Variants in ATP11B observed in about 807,000 individuals in gnomAD.
The protein encoded by ATP11B is phospholipid-transporting ATPase IF.
A neutral mutation model predicts 157.8 loss-of-function variants in ATP11B; 81 were observed. The observed-to-expected ratio is 0.51, with a 90% CI of 0.43 to 0.62. The LOEUF (loss-of-function observed/expected upper bound fraction) is 0.62. ATP11B is among the 20% of genes least tolerant of loss of function. The probability of loss-of-function intolerance (pLI) is 0.00; values close to 1 mark genes in which losing one functional copy is unlikely to be tolerated. For synonymous variants in ATP11B, 451 were observed against 469.4 expected, an observed-to-expected ratio of 0.96 and a Z score of 0.51; for missense variants, 1,165 against 1,402.2, an observed-to-expected ratio of 0.83 and a Z score of 2.70.
chr3:182,850,917 A>G (rs1453053503), intron 10 of ATP11B, among the ~76,000 whole-genome samples: 3 of 152,226 alleles, frequency 2.0e-5, no homozygotes, highest in African/African-American at 7.2e-5. Flanking sequence ...ATGGAATACT[A>G]TTTGGCCATA....
intron 28 of ATP11B, among the ~76,000 whole-genome samples, chr3:182,910,769 G>A (rs1350581059): frequency 6.6e-6 from 1 of 152,178 alleles, no homozygotes; most frequent in African/African-American, 2.4e-5. Flanking sequence ...TTAAACTAAA[G>A]TGTCAGACAA....
chr3:182,905,272 G>A (rs1216080999), intron 28 of ATP11B, among the ~76,000 whole-genome samples: 2 of 152,098 alleles, frequency 1.3e-5, no homozygotes, highest in African/African-American at 4.8e-5. Flanking sequence ...TACAGAAAAA[G>A]AACTGAAATT....
In ATP11B at chr3:182,874,003, A is replaced by G. The variant is rs111552122; in HGVS notation, c.2240A>G (p.Gln747Arg). Residue 747 changes from glutamine (Q) to arginine (R), a missense_variant, in exon 19 of 30, where the codon CAG becomes CGG. By Grantham distance (43) the Gln-to-Arg change is conservative (BLOSUM62 1). Transcript: ENST00000323116. The part of the protein sequence containing the change: ...SDSECAEQLR[Q>R]LARRITEDHV... ...AGCGAGTGTGCTGAACAATTGAGGC[A>G]GCTTGCCAGAAGGTAAGAATATAGG... is the stretch of plus-strand genomic sequence containing the variant. The G allele has an allele frequency of 5.6e-6, 9 of 1,613,788 alleles. No individual in the cohort carries two copies.
chr3:182,830,002 A>AGTATT (rs1718008115), intron 4 of ATP11B: 1 of 925,038 alleles, frequency 1.1e-6, no homozygotes, highest in African/African-American at 1.8e-5. Context: ...TCCAAAAACA[A>AGTATT]GTATTGTATA....
At position 182,867,524 on chromosome 3, in the gene ATP11B, A is replaced by C. The variant is rs183117031; in HGVS notation, c.1688+80A>C. On this transcript the variant is annotated intron_variant, in intron 15 of 29. Coordinates refer to ENST00000323116, the MANE Select transcript of ATP11B (RefSeq NM_014616.3). ...AATAAGGATCAGTAAACTGTAGCTC[A>C]CAGGGCAAATGTGGCCTATATTTTC... The C allele has an allele frequency of 4.4e-3, 3,905 of 891,018 alleles. 21 individuals are homozygous for C. The highest frequency in any genetic ancestry group is 0.011 in the South Asian group (682 of 64,244). The allele number at this position is 891,018 out of a possible 1,614,324, so 55.2% of individuals were successfully genotyped here.
Position 182,847,176 on chromosome 3 carries a change from A to G in ATP11B, c.770-1300A>G, listed in dbSNP as rs1313775674. Among the ~76,000 whole-genome samples the G allele has an allele frequency of 2.0e-5, 3 of 150,198 alleles. No homozygotes were observed. In the East Asian group the frequency reaches 5.9e-4, roughly 30 times the overall value. On this transcript the variant is annotated intron_variant, in intron 9 of 29. Coordinates refer to ENST00000323116, the MANE Select transcript of ATP11B (RefSeq NM_014616.3). ...AGCAATTCTCCTGCCTCAGCCTCCC[A>G]AATAGCTGAGATTACAGGCATGTGC...
At chr3:182,903,874 AATT>A (rs1230007738) in intron 28 of ATP11B, among the ~76,000 whole-genome samples, 2 of 152,240 alleles carry the variant, frequency 1.3e-5, no homozygotes, top group African/African-American at 2.4e-5. Flanking sequence ...TATTGTGACT[AATT>A]ATATTTTTAT....
intron 7 of ATP11B, among the ~76,000 whole-genome samples, chr3:182,838,157 A>G (rs896582912): frequency 6.6e-6 from 1 of 152,066 alleles, no homozygotes; most frequent in African/African-American, 2.4e-5. Context: ...TAAAAATTGT[A>G]TACTTTCATC....
Position 182,897,417 on chromosome 3 carries a change from A to T in ATP11B, c.3152+11A>T. Reference sequence around the variant, plus strand: ...TGGAGGGATTCTCTGGTGAGTGAATATATTGTATTTTAATTGGATTGCTTC... The same window carrying T: ...TGGAGGGATTCTCTGGTGAGTGAATTTATTGTATTTTAATTGGATTGCTTC... On this transcript the variant is annotated intron_variant, in intron 27 of 29. Transcript: ENST00000323116. 1 of 1,478,418 alleles carries T rather than the reference A, an allele frequency of 6.8e-7. No individual in the cohort carries two copies. The highest frequency in any genetic ancestry group is 1.2e-5 in the South Asian group (1 of 80,424). 91.6% of individuals were successfully genotyped at this position (1,478,418 alleles called of 1,614,324 possible).
chr3:182,829,107 G>A (rs936412771), intron 3 of ATP11B, among the ~76,000 whole-genome samples: 1 of 152,138 alleles, frequency 6.6e-6, no homozygotes, highest in African/African-American at 2.4e-5. Flanking sequence ...AGCAAGAAAT[G>A]TATGCTAACC....
At chr3:182,842,006 G>T in intron 7 of ATP11B, 69 bp from the exon 8 acceptor site, 10 of 929,646 alleles carry the variant, frequency 1.1e-5, no homozygotes, top group Admixed American at 2.4e-5. Context: ...AACAAAGGAT[G>T]GTGCAAAAAA....
intron 1 of ATP11B, among the ~76,000 whole-genome samples, chr3:182,815,016 C>T (rs961870909): frequency 6.6e-6 from 1 of 152,080 alleles, no homozygotes; most frequent in Non-Finnish European, 1.5e-5. Context: ...GATGAGTAGG[C>T]TTTTCCTGGA....
chr3:182,907,623 G>T (rs971901425), intron 28 of ATP11B, among the ~76,000 whole-genome samples: 1 of 152,170 alleles, frequency 6.6e-6, no homozygotes, highest in African/African-American at 2.4e-5. Flanking sequence ...ATAGAAAGAT[G>T]TTTAGGCTTT....
chr3:182,909,336 C>G (rs1020300224), intron 28 of ATP11B, among the ~76,000 whole-genome samples: 18 of 152,212 alleles, frequency 1.2e-4, no homozygotes, highest in Non-Finnish European at 2.2e-4. Context: ...GCCTTTCTAG[C>G]ACTAAATTAT....
Position 182,871,925 on chromosome 3 carries a change from C to T in ATP11B, c.1867-431C>T, listed in dbSNP as rs574046281. Among the ~76,000 whole-genome samples, 5 of 152,200 alleles carry T rather than the reference C, an allele frequency of 3.3e-5. No individual in the cohort carries two copies. The East Asian group carries it at 9.7e-4, about 29-fold the overall frequency. ...CCACCTCCCGGGTTCACGCCATTCT[C>T]CTGCCTCAGCTTCCTGAGTAGCTGG... is the stretch of plus-strand genomic sequence containing the variant. On this transcript the variant is annotated intron_variant, in intron 17 of 29. Coordinates refer to ENST00000323116, the MANE Select transcript of ATP11B (RefSeq NM_014616.3).
At position 182,793,774 on chromosome 3, in the gene ATP11B, C is replaced by T; in HGVS notation, c.15C>T (p.Ile5=). ...ACGACGGGGGAATGTGGCGCTGGATCCGGCAGCAGCTGGTAGGTGCCCCCG... is the reference window on the plus strand; with the variant it reads ...ACGACGGGGGAATGTGGCGCTGGATTCGGCAGCAGCTGGTAGGTGCCCCCG... MWRW[I]RQQLGFDPPH... is the part of the protein sequence containing the mutation. The change falls in exon 1 of 30, where the codon ATC becomes ATT. Residue 5 remains isoleucine, a synonymous_variant. Transcript: ENST00000323116. The T allele has an allele frequency of 1.4e-6, 2 of 1,403,858 alleles. No homozygotes were observed. The highest frequency in any genetic ancestry group is 1.9e-6 in the Non-Finnish European group (2 of 1,072,948). The allele number at this position is 1,403,858 out of a possible 1,614,324, so 87.0% of individuals were successfully genotyped here.
At chr3:182,845,376 A>G in intron 8 of ATP11B, 82 bp from the exon 9 acceptor site, 1 of 1,191,592 alleles carries the variant, frequency 8.4e-7, no homozygotes, top group East Asian at 2.7e-5. Flanking sequence ...TAGCTTAAGT[A>G]CCTTCTGCTG....
intron 27 of ATP11B, 37 bp from the exon 28 acceptor site, chr3:182,898,569 GT>G (rs1723725975): frequency 6.5e-7 from 1 of 1,545,830 alleles, no homozygotes; most frequent in South Asian, 1.3e-5. Context: ...AAGTCTTTCA[GT>G]TTCCACTTTT....
In ATP11B at chr3:182,820,271, A is replaced by C. The variant is rs1191041703; in HGVS notation, c.39A>C (p.Pro13=). ...TTGATTGGTCTTAGGGTTTTGACCC[A>C]CCACATCAGAGTGACACAAGAACCA... The part of the protein sequence containing the change: ...RWIRQQLGFD[P]PHQSDTRTIY... The change falls in exon 2 of 30, where the codon CCA becomes CCC. Residue 13 remains proline (P), a synonymous_variant. Transcript: ENST00000323116. 6.2e-7 allele frequency: 1 copy of C among 1,613,454 alleles called. No homozygotes were observed. The highest frequency in any genetic ancestry group is 8.5e-7 in the Non-Finnish European group (1 of 1,179,340).
Sources: gnomAD v4.1 joint callset for allele counts (sites outside exome capture counted in the v4.1 genomes callset) on GRCh38, gnomAD v4.1.1 for gene constraint, MANE v1.5 for transcripts, NCBI Gene and HGNC (gene_info 2026-07-23, HGNC 2026-07-21) for gene names.